Variants in DEUP1 observed in about 807,000 individuals in gnomAD.
The protein encoded by DEUP1 is coiled-coil domain containing 67.
Under a neutral mutation model 87.4 loss-of-function variants are expected in DEUP1, and 82 were observed. The ratio of observed to expected loss-of-function variants is 0.94; its 90% CI spans 0.78 to 1.13. The LOEUF is 1.13. Among genes scored for constraint, DEUP1 ranks in the 50% most tolerant of loss-of-function variants. The pLI is 0.00. For missense variants in DEUP1, 663 were observed against 681.5 expected, an observed-to-expected ratio of 0.97 and a Z score of 0.30; for synonymous variants, 214 against 222.7, an observed-to-expected ratio of 0.96 and a Z score of 0.35.
Position 93,355,419 on chromosome 11 carries a change from C to T in DEUP1, c.78C>T (p.Asp26=), listed in dbSNP as rs1329572367. ...TTCAGGAATTAATGGAACAAATTGA[C>T]ATCATGGTAAGCAACAAGAAAATGG... ...AELQELMEQI[D]IMVSNKKMDW... is the part of the protein sequence containing the mutation. The change falls in exon 3 of 14, where the codon GAC becomes GAT. Residue 26 remains aspartate, a synonymous_variant. Coordinates refer to ENST00000298050, the MANE Select transcript of DEUP1 (RefSeq NM_181645.4). The T allele has an allele frequency of 6.2e-7, 1 of 1,613,660 alleles. No individual in the cohort carries two copies. The highest frequency in any genetic ancestry group is 1.1e-5 in the South Asian group (1 of 91,060).
chr11:93,389,060 A>T lies in DEUP1; in HGVS notation c.976A>T (p.Arg326Trp), dbSNP rs372393897. 12 of 1,600,808 alleles carry T rather than the reference A, an allele frequency of 7.5e-6. No individual in the cohort carries two copies. The African/African-American group carries it at 1.5e-4, about 20-fold the overall frequency. Residue 326 changes from arginine to tryptophan, a missense_variant, in exon 9 of 14, where the codon AGG becomes TGG. Coordinates refer to ENST00000298050, the MANE Select transcript of DEUP1 (RefSeq NM_181645.4). ...TTTGCCTTCTATTAAAGAACCAGAA[A>T]GGAAAATAAAAGAGCTGTTTTCAGT... is the stretch of plus-strand genomic sequence containing the variant. ...SYLPSIKEPE[R>W]KIKELFSVMQ...
intron 8 of DEUP1, among the ~76,000 whole-genome samples, chr11:93,388,262 A>G (rs1474130775): frequency 1.3e-5 from 2 of 152,128 alleles, no homozygotes; most frequent in African/African-American, 2.4e-5. Flanking sequence ...AATTGTACTC[A>G]CAAGTGGATA....
chr11:93,382,992 C>T lies in DEUP1; in HGVS notation c.790-2406C>T, dbSNP rs111497341. ...TAAAGTAATGCTACTATGCCCCTCACTGAACACAGGCCTCCTGGAAAACAG... is the reference window on the plus strand; with the variant it reads ...TAAAGTAATGCTACTATGCCCCTCATTGAACACAGGCCTCCTGGAAAACAG... On this transcript the variant is annotated intron_variant, in intron 7 of 13. Transcript: ENST00000298050. 1.4e-3 allele frequency among the ~76,000 whole-genome samples: 220 copies of T among 152,248 alleles called. 1 individual carries two copies. The highest frequency in any genetic ancestry group is 5.1e-3 in the African/African-American group (210 of 41,546).
At chr11:93,431,297 G>C (rs1948100082) in intron 13 of DEUP1, among the ~76,000 whole-genome samples, 1 of 152,000 alleles carries the variant, frequency 6.6e-6, no homozygotes, top group Non-Finnish European at 1.5e-5. Context: ...GCAAAGATCT[G>C]GTAGAAGAGA....
At chr11:93,353,113 C>A (rs2134204931) in intron 2 of DEUP1, among the ~76,000 whole-genome samples, 1 of 152,240 alleles carries the variant, frequency 6.6e-6, no homozygotes, top group Admixed American at 6.5e-5. Flanking sequence ...CAAAAGCAAG[C>A]TAGTTACTTC....
intron 11 of DEUP1, among the ~76,000 whole-genome samples, chr11:93,397,987 C>G (rs1326699263): frequency 2.0e-5 from 3 of 151,948 alleles, no homozygotes; most frequent in Non-Finnish European, 2.9e-5. Context: ...TTTGTTGTTG[C>G]TGCTTGCTTT....
intron 12 of DEUP1, among the ~76,000 whole-genome samples, chr11:93,414,165 G>A (rs1037104125): frequency 6.6e-6 from 1 of 152,158 alleles, no homozygotes; most frequent in Non-Finnish European, 1.5e-5. Context: ...AGGAGATGGT[G>A]TAAATTGAAA....
intron 7 of DEUP1, among the ~76,000 whole-genome samples, chr11:93,382,762 T>A (rs1432918823): frequency 6.6e-6 from 1 of 152,198 alleles, no homozygotes. Context: ...TGGGAGACAT[T>A]CACATTAAGT....
At chr11:93,376,971 G>A (rs994096964) in intron 7 of DEUP1, among the ~76,000 whole-genome samples, 1 of 152,126 alleles carries the variant, frequency 6.6e-6, no homozygotes, top group Admixed American at 6.5e-5. Context: ...ATCCCACTGT[G>A]GTCTGAGAGA....
chr11:93,361,900 A>G (rs1945193873), intron 4 of DEUP1, among the ~76,000 whole-genome samples: 1 of 152,102 alleles, frequency 6.6e-6, no homozygotes, highest in Non-Finnish European at 1.5e-5. Flanking sequence ...AACTAAAAAG[A>G]TGGAGAAATA....
chr11:93,373,625 G>GTGTGTGTATATATA (rs796309948), intron 7 of DEUP1, among the ~76,000 whole-genome samples: 18 of 67,002 alleles, frequency 2.7e-4, no homozygotes, highest in African/African-American at 6.1e-4. Context: ...ATATATATAC[G>GTGTGTGTATATATA]TATATATATA....
At chr11:93,415,905 C>T (rs538268878) in intron 13 of DEUP1, among the ~76,000 whole-genome samples, 3 of 152,128 alleles carry the variant, frequency 2.0e-5, no homozygotes, top group African/African-American at 7.2e-5. Context: ...TATGGATGGA[C>T]ATTTGAGTCA....
chr11:93,331,457 G>T (rs1051137290), intron 1 of DEUP1, among the ~76,000 whole-genome samples: 2 of 151,116 alleles, frequency 1.3e-5, no homozygotes, highest in Non-Finnish European at 2.9e-5. Flanking sequence ...AGAATTTCAA[G>T]ATTTCTTTTT....
Position 93,371,160 on chromosome 11 carries a change from T to A in DEUP1, c.669T>A (p.Asp223Glu). ...PDPNCEINER[D>E]EFIIEKLKSA... Reference sequence around the variant, plus strand: ...CCAATTGTGAAATCAATGAAAGAGATGAGTTCATTATTGAAAAACTGAAAT... The same window carrying A: ...CCAATTGTGAAATCAATGAAAGAGAAGAGTTCATTATTGAAAAACTGAAAT... Residue 223 changes from aspartate (D) to glutamate (E), a missense_variant, in exon 7 of 14, where the codon GAT becomes GAA. By Grantham distance (45) the Asp-to-Glu change is conservative. Transcript: ENST00000298050. 1 of 1,613,252 alleles carries A rather than the reference T, an allele frequency of 6.2e-7. No homozygotes were observed. The highest frequency in any genetic ancestry group is 8.5e-7 in the Non-Finnish European group (1 of 1,179,532).
In DEUP1 at chr11:93,395,051, C is replaced by T. The variant is rs572480443; in HGVS notation, c.1239+395C>T. ...TCTTCAACACTTCCTACCCCTCCCC[C>T]ACACTTCATGTATTTCTTTCAGGCT... On this transcript the variant is annotated intron_variant, in intron 10 of 13. Transcript: ENST00000298050. Among the ~76,000 whole-genome samples the T allele has an allele frequency of 5.3e-5, 8 of 152,236 alleles. No homozygotes were observed. The South Asian group carries it at 1.5e-3, about 28-fold the overall frequency.
In DEUP1 at chr11:93,369,888, C is replaced by A. The variant is rs1290973691; in HGVS notation, c.433-185C>A. 5.2e-4 allele frequency among the ~76,000 whole-genome samples: 3 copies of A among 5,786 alleles called. 1 individual carries two copies. Among genetic ancestry groups the A allele is most frequent in the Admixed American group, 6.8e-3 (2 of 296 alleles). 3.8% of individuals were successfully genotyped at this position (5,786 alleles called of 152,430 possible). ...CGGAGCCTGCAGTGAGCCGAGATTGCGCCACTGCACTCCAGCCTGGGCGAC... is the reference window on the plus strand; with the variant it reads ...CGGAGCCTGCAGTGAGCCGAGATTGAGCCACTGCACTCCAGCCTGGGCGAC... On this transcript the variant is annotated intron_variant, in intron 5 of 13. Transcript: ENST00000298050.
intron 11 of DEUP1, among the ~76,000 whole-genome samples, chr11:93,402,003 A>T (rs1947134198): frequency 6.6e-6 from 1 of 151,996 alleles, no homozygotes; most frequent in Admixed American, 6.6e-5. Flanking sequence ...AAAATAGGTA[A>T]GTGGGATCAT....
chr11:93,362,889 T>C (rs11020281), intron 4 of DEUP1, among the ~76,000 whole-genome samples: 47,970 of 151,696 alleles, frequency 0.32, 8,438 homozygotes, highest in Non-Finnish European at 0.42. Context: ...GTGAATTATA[T>C]CTCAATTTAA....
chr11:93,394,903 A>T (rs930798001), intron 10 of DEUP1, among the ~76,000 whole-genome samples: 9 of 152,118 alleles, frequency 5.9e-5, no homozygotes, highest in Non-Finnish European at 2.9e-5. Context: ...ATTTTCTTGT[A>T]ACCTATATTC....
Sources: gnomAD v4.1 joint callset for allele counts (sites outside exome capture counted in the v4.1 genomes callset) on GRCh38, gnomAD v4.1.1 for gene constraint, MANE v1.5 for transcripts, NCBI Gene and HGNC (gene_info 2026-07-23, HGNC 2026-07-21) for gene names.